Variants in DENND1C observed in about 807,000 individuals in gnomAD.
The protein encoded by DENND1C is DENN domain-containing protein 1C.
DENND1C carries 64 observed loss-of-function variants against 87.9 expected under a neutral mutation model. That is an observed-to-expected ratio of 0.73 (90% CI 0.60 to 0.90). The LOEUF (loss-of-function observed/expected upper bound fraction) is 0.90. Ranked by LOEUF, DENND1C falls within the 40% of genes least tolerant of loss-of-function variation. The pLI, the probability that DENND1C is intolerant of heterozygous loss-of-function variation, is 0.00. For missense variants in DENND1C, 980 were observed against 1,037.0 expected, an observed-to-expected ratio of 0.95 and a Z score of 0.76; for synonymous variants, 384 against 424.4, an observed-to-expected ratio of 0.90 and a Z score of 1.17.
intron 21 of DENND1C, 44 bp downstream of exon 21, chr19:6,468,534 C>T: frequency 4.5e-6 from 7 of 1,556,296 alleles, no homozygotes; most frequent in Non-Finnish European, 6.1e-6. Flanking sequence ...CCCCATCAGT[C>T]CTGGCCTCCC....
rs1213509708 is a variant in DENND1C at position 6,471,265 on chromosome 19, C to T, written c.1290G>A (p.Lys430=). 1.3e-6 allele frequency: 2 copies of T among 1,587,596 alleles called. No individual in the cohort carries two copies. Among genetic ancestry groups the T allele is most frequent in the Non-Finnish European group, 1.7e-6 (2 of 1,166,764 alleles). The change falls in exon 17 of 23, where the codon AAG becomes AAA. Residue 430 remains lysine, a splice_region_variant and synonymous_variant. Coordinates refer to ENST00000381480, the MANE Select transcript of DENND1C (RefSeq NM_024898.4). ...CGGCCTATTGTTCTGGTGGTCTTAC[C>T]TTTAGATTGTCGGCCCAGAGCTGAT... ...RSYQLWADNL[K]KGGGALLHSV...
At chr19:6,478,736 G>C in intron 6 of DENND1C, 47 bp downstream of exon 6, 1 of 1,571,988 alleles carries the variant, frequency 6.4e-7, no homozygotes, top group East Asian at 2.3e-5. Context: ...GGTTGAGGGG[G>C]GTGGGGGCTG....
Position 6,468,942 on chromosome 19 carries a change from A to G in DENND1C, c.1419T>C (p.Ser473=). The change falls in exon 20 of 23, where the codon TCT becomes TCC. Residue 473 remains serine (S), a synonymous_variant. Coordinates refer to ENST00000381480, the MANE Select transcript of DENND1C (RefSeq NM_024898.4). ...QSLLMYKDGD[S]VLQRGGSLRA... Reference sequence around the variant, plus strand: ...TCAGAGAGCCCCCCCTCTGCAGGACAGAGTCCCCATCCTAGGAAGAGAAGA... The same window carrying G: ...TCAGAGAGCCCCCCCTCTGCAGGACGGAGTCCCCATCCTAGGAAGAGAAGA... 1 of 1,440,984 alleles carries G rather than the reference A, an allele frequency of 6.9e-7. No individual in the cohort carries two copies. Among genetic ancestry groups the G allele is most frequent in the South Asian group, 1.7e-5 (1 of 59,474 alleles). The allele number at this position is 1,440,984 out of a possible 1,614,324, so 89.3% of individuals were successfully genotyped here. A position where few individuals can be genotyped will look rare whatever the true frequency, so the allele number is the denominator to read the frequency against.
intron 10 of DENND1C, 66 bp from the exon 11 acceptor site, chr19:6,476,003 G>T: frequency 4.3e-6 from 6 of 1,388,382 alleles, no homozygotes; most frequent in Non-Finnish European, 5.8e-6. Flanking sequence ...TCTTCCAGCT[G>T]CATTTCCCAC....
intron 2 of DENND1C, 28 bp from the exon 3 acceptor site, chr19:6,479,930 C>T: frequency 6.3e-7 from 1 of 1,595,462 alleles, no homozygotes; most frequent in Non-Finnish European, 8.5e-7. Context: ...CCTCTAAGTT[C>T]AGCGACCCAG....
intron 17 of DENND1C, 123 bp from the exon 18 acceptor site, chr19:6,470,489 A>C: frequency 1.1e-6 from 1 of 915,948 alleles, no homozygotes; most frequent in Non-Finnish European, 1.7e-6. Context: ...ACCTCTATAA[A>C]TGAACATGAT....
intron 17 of DENND1C, 57 bp from the exon 18 acceptor site, chr19:6,470,423 C>CACACAA: frequency 6.4e-7 from 1 of 1,552,636 alleles, no homozygotes; most frequent in Non-Finnish European, 8.8e-7. Context: ...ACCTCCCCAT[C>CACACAA]CCAGGTTGTG....
chr19:6,472,261 C>T (rs866077301), intron 15 of DENND1C, among the ~76,000 whole-genome samples: 8 of 148,724 alleles, frequency 5.4e-5, no homozygotes, highest in East Asian at 2.0e-4. Context: ...CAGCTTGGAC[C>T]GCCACCCCAG....
In DENND1C at chr19:6,467,791, G is replaced by T. The variant is rs376804286; in HGVS notation, c.2119C>A (p.Pro707Thr). The T allele has an allele frequency of 4.6e-5, 70 of 1,534,578 alleles. No homozygotes were observed. The African/African-American group carries it at 7.2e-4, about 16-fold the overall frequency. ...ENPTPWLSTA[P>T]TEPSPPESPQ... ...CTTTCTGGAGGGCTGGGCTCAGTGGGTGCAGTGGAGAGCCAGGGAGTGGGG... is the reference window on the plus strand; with the variant it reads ...CTTTCTGGAGGGCTGGGCTCAGTGGTTGCAGTGGAGAGCCAGGGAGTGGGG... The change falls in exon 23 of 23, where the codon CCC becomes ACC. Residue 707 changes from proline to threonine, a missense_variant. Transcript: ENST00000381480.
Position 6,472,958 on chromosome 19 carries a change from CAAG to C in DENND1C, c.1086_1088del (p.Phe362del), listed in dbSNP as rs2092837571. 2.5e-6 allele frequency: 4 copies of C among 1,587,242 alleles called. No homozygotes were observed. Among genetic ancestry groups the C allele is most frequent in the Non-Finnish European group, 3.4e-6 (4 of 1,167,772 alleles). ...GCAGAGGTGCCCCAGGCTTCTGGGC[CAAG>C]AAGACTTCCTCACTGAAGGTCACTG... On this transcript the variant is annotated inframe_deletion, in exon 15 of 23. Coordinates refer to ENST00000381480, the MANE Select transcript of DENND1C (RefSeq NM_024898.4).
At position 6,467,473 on chromosome 19, in the gene DENND1C, G is replaced by A; in HGVS notation, c.*31C>T. 4 of 1,493,186 alleles carry A rather than the reference G, an allele frequency of 2.7e-6. No individual in the cohort carries two copies. The highest frequency in any genetic ancestry group is 2.5e-5 in the East Asian group (1 of 40,198). The allele number at this position is 1,493,186 out of a possible 1,614,324, so 92.5% of individuals were successfully genotyped here. On this transcript the variant is annotated 3_prime_UTR_variant, in exon 23 of 23. Coordinates refer to ENST00000381480, the MANE Select transcript of DENND1C (RefSeq NM_024898.4). ...TTTTGGGCTCTTGTGGCTTTATTGA[G>A]GGACTGGGGTCTCTCTTGGACCCCT...
At position 6,467,386 on chromosome 19, in the gene DENND1C, T is replaced by G. The variant is rs1599373079; in HGVS notation, c.*118A>C. The G allele has an allele frequency of 7.5e-7, 1 of 1,327,604 alleles. No homozygotes were observed. The highest frequency in any genetic ancestry group is 9.9e-7 in the Non-Finnish European group (1 of 1,011,360). The allele number at this position is 1,327,604 out of a possible 1,614,324, so 82.2% of individuals were successfully genotyped here. A position where few individuals can be genotyped will look rare whatever the true frequency, so the allele number is the denominator to read the frequency against. ...CTGCCCTTGGAGGGACAGAGGTGGG[T>G]GGGATGGATTTCCGAGCAGAGTGAG... On this transcript the variant is annotated 3_prime_UTR_variant, in exon 23 of 23. Transcript: ENST00000381480.
At chr19:6,474,050 G>A (rs1362883383) in intron 14 of DENND1C, among the ~76,000 whole-genome samples, 1 of 152,054 alleles carries the variant, frequency 6.6e-6, no homozygotes, top group Admixed American at 6.6e-5. Context: ...CAAAAAATTA[G>A]CCATTGTGGT....
intron 14 of DENND1C, among the ~76,000 whole-genome samples, chr19:6,474,809 T>C (rs7253943): frequency 0.54 from 82,196 of 151,798 alleles, 23,324 homozygotes; most frequent in Non-Finnish European, 0.65. Context: ...TGGCTCACAC[T>C]TGTAATCCCA....
Position 6,467,534 on chromosome 19 carries a change from G to A in DENND1C, c.2376C>T (p.Val792=), listed in dbSNP as rs755365467. 4.7e-5 allele frequency: 76 copies of A among 1,607,518 alleles called. No homozygotes were observed. The Middle Eastern group carries it at 1.0e-3, about 21-fold the overall frequency. Residue 792 remains valine (V), a synonymous_variant, in exon 23 of 23, where the codon GTC becomes GTT. Coordinates refer to ENST00000381480, the MANE Select transcript of DENND1C (RefSeq NM_024898.4). ...QKSQPSSRPR[V]ADLKKCFEG ...CCTCAAAGCACTTCTTAAGATCAGC[G>A]ACTCTGGGCCGGCTGCTGGGCTGGG...
chr19:6,475,889 A>G lies in DENND1C; in HGVS notation c.727T>C (p.Trp243Arg), dbSNP rs764757339. Residue 243 changes from tryptophan to arginine, a missense_variant, in exon 11 of 23, where the codon TGG becomes CGG. By Grantham distance (101) the Trp-to-Arg change is moderately radical. Coordinates refer to ENST00000381480, the MANE Select transcript of DENND1C (RefSeq NM_024898.4). ...ASCALLYPMR[W>R]EHVLIPTLPP... is the part of the protein sequence containing the mutation. ...AGCGTGGGGATCAGCACGTGCTCCC[A>G]GCGCATGGGGTACAGGAGCGCGCAG... is the stretch of plus-strand genomic sequence containing the variant. The G allele has an allele frequency of 2.2e-5, 34 of 1,565,608 alleles. No individual in the cohort carries two copies. Among genetic ancestry groups the G allele is most frequent in the Non-Finnish European group, 2.5e-5 (29 of 1,164,406 alleles).
intron 10 of DENND1C, chr19:6,476,262 G>T: frequency 2.9e-6 from 1 of 339,314 alleles, no homozygotes; most frequent in Non-Finnish European, 5.4e-6. Flanking sequence ...AAGAGGTGGA[G>T]CTATGACGTA....
Position 6,468,281 on chromosome 19 carries a change from T to A in DENND1C, c.1744A>T (p.Ser582Cys). The A allele has an allele frequency of 6.2e-7, 1 of 1,613,690 alleles. No individual in the cohort carries two copies. The highest frequency in any genetic ancestry group is 8.5e-7 in the Non-Finnish European group (1 of 1,179,776). Residue 582 changes from serine to cysteine, a missense_variant, in exon 22 of 23, where the codon AGT (serine) becomes TGT (cysteine). Physicochemically the swap from Ser to Cys is moderately radical, Grantham distance 112. Coordinates refer to ENST00000381480, the MANE Select transcript of DENND1C (RefSeq NM_024898.4). ...KSAGSLRPSQ[S>C]LDCCHRGDLD... ...TCTCCTCTGTGACAGCAGTCTAAAC[T>A]CTGGCTCGGTCTCAGGCTGCCTGCG...
Position 6,470,485 on chromosome 19 carries a change from A to G in DENND1C, c.1291-119T>C, listed in dbSNP as rs2092821532. The G allele has an allele frequency of 1.2e-5, 11 of 942,622 alleles. No individual in the cohort carries two copies. The South Asian group carries it at 1.5e-4, about 13-fold the overall frequency. The allele number at this position is 942,622 out of a possible 1,614,324, so 58.4% of individuals were successfully genotyped here. A position where few individuals can be genotyped will look rare whatever the true frequency, so the allele number is the denominator to read the frequency against. ...TCTGAGTCTCCATTTTTTCACCTCT[A>G]TAAATGAACATGATCGTAGTCATGA... On this transcript the variant is annotated intron_variant, in intron 17 of 22. Transcript: ENST00000381480.
Sources: gnomAD v4.1 joint callset for allele counts (sites outside exome capture counted in the v4.1 genomes callset) on GRCh38, gnomAD v4.1.1 for gene constraint, MANE v1.5 for transcripts, NCBI Gene and HGNC (gene_info 2026-07-23, HGNC 2026-07-21) for gene names.